The following MPP7 variants were observed in gnomAD, a reference collection of about 807,000 sequenced individuals.
MPP7 encodes the protein MAGUK p55 subfamily member 7.
In MPP7, 60 loss-of-function variants were observed where a neutral mutation model predicts 76.5. The observed-to-expected ratio is 0.78, with a 90% CI of 0.64 to 0.97. The LOEUF is 0.97. MPP7 is among the 50% of genes least tolerant of loss of function. MPP7 has a pLI of 0.00. For synonymous variants in MPP7, 237 were observed against 244.5 expected (o/e 0.97, Z 0.29); for missense variants, 641 against 694.0 (o/e 0.92, Z 0.86).
chr10:28,106,062 T>C (rs1174894749), intron 11 of MPP7, among the ~76,000 whole-genome samples: 1 of 152,216 alleles, frequency 6.6e-6, no homozygotes, highest in Non-Finnish European at 1.5e-5. Flanking sequence ...TGATGTAGAA[T>C]GGTCTCTTGG....
intron 1 of MPP7, among the ~76,000 whole-genome samples, chr10:28,247,139 T>A (rs1839462913): frequency 6.6e-6 from 1 of 152,206 alleles, no homozygotes; most frequent in African/African-American, 2.4e-5. Context: ...TCCTAAGTAC[T>A]AATTAATATT....
rs538916693 is a variant in MPP7, at chr10:28,253,798, C to T, written c.-131-15063G>A. On this transcript the variant is annotated intron_variant, in intron 1 of 16. Transcript: ENST00000683449. ...ATCACTTGAGCTCAGGAGTTCAAGA[C>T]CAGCCTGGTCAACATGGCAAAACCT... Among the ~76,000 whole-genome samples the T allele has an allele frequency of 1.4e-4, 21 of 151,926 alleles. No homozygotes were observed. In the South Asian group the frequency reaches 4.4e-3, roughly 32 times the overall value.
intron 2 of MPP7, among the ~76,000 whole-genome samples, chr10:28,315,959 A>G (rs1330282583): frequency 2.6e-5 from 4 of 152,186 alleles, no homozygotes; most frequent in South Asian, 4.1e-4. Flanking sequence ...ACAAATGCCA[A>G]TCAAGGGGCA....
intron 2 of MPP7, among the ~76,000 whole-genome samples, chr10:28,211,476 G>GAT (rs1404975094): frequency 1.3e-4 from 19 of 151,504 alleles, no homozygotes; most frequent in African/African-American, 4.6e-4. Context: ...GAGAGAGAGA[G>GAT]AATTACTGTA....
At chr10:28,311,948 T>TA (rs1031332351) in intron 2 of MPP7, among the ~76,000 whole-genome samples, 25 of 152,076 alleles carry the variant, frequency 1.6e-4, no homozygotes, top group Admixed American at 1.1e-3. Context: ...TTAGCTTTTT[T>TA]AAAAAAAAGA....
intron 11 of MPP7, among the ~76,000 whole-genome samples, chr10:28,106,869 C>G (rs992637213): frequency 3.9e-5 from 6 of 152,172 alleles, no homozygotes; most frequent in Non-Finnish European, 7.3e-5. Context: ...TCTTTATGTG[C>G]TCTAAAGAAA....
rs1040086483 is a variant in MPP7 at position 28,114,828 on chromosome 10, G to T, written c.952+4823C>A. 2.6e-5 allele frequency among the ~76,000 whole-genome samples: 4 copies of T among 152,210 alleles called. No homozygotes were observed. The East Asian group carries it at 7.7e-4, about 29-fold the overall frequency. On this transcript the variant is annotated intron_variant, in intron 11 of 16. Coordinates refer to ENST00000683449, the MANE Select transcript of MPP7 (RefSeq NM_001318170.2). ...GGGCTGAGAACGCTTCCAATGGAAA[G>T]ACTAGAAGCATCTACTCTGATAGTG...
chr10:28,237,288 C>T (rs532849030), intron 2 of MPP7, among the ~76,000 whole-genome samples: 204 of 152,162 alleles, frequency 1.3e-3, no homozygotes, highest in African/African-American at 4.7e-3. Flanking sequence ...AAAGTTAAAT[C>T]ATTCATTTTT....
intron 12 of MPP7, among the ~76,000 whole-genome samples, chr10:28,070,570 C>T (rs1031731021): frequency 6.6e-6 from 1 of 152,182 alleles, no homozygotes; most frequent in African/African-American, 2.4e-5. Context: ...GATGCAAATT[C>T]AGTTACGCAT....
chr10:28,268,224 AC>A (rs1333131472), intron 1 of MPP7, among the ~76,000 whole-genome samples: 2 of 152,170 alleles, frequency 1.3e-5, no homozygotes, highest in Admixed American at 6.5e-5. Flanking sequence ...CATGTGAGAG[AC>A]AAGGGCATCC....
At position 28,238,748 on chromosome 10, in the gene MPP7, G is replaced by A. The variant is rs543704300; in HGVS notation, c.-131-13C>T. 2 of 731,256 alleles carry A rather than the reference G, an allele frequency of 2.7e-6. No homozygotes were observed. The highest frequency in any genetic ancestry group is 1.8e-5 in the South Asian group (1 of 56,234). The allele number at this position is 731,256 out of a possible 1,614,324, so 45.3% of individuals were successfully genotyped here. ...TTGTAAGCCGTTTCTAGAAAGGAAA[G>A]AAACATTTATATTTTTTAAAAAGGG... On this transcript the variant is annotated splice_polypyrimidine_tract_variant and intron_variant, in intron 1 of 16. Transcript: ENST00000683449.
chr10:28,199,737 G>T (rs1471501754), intron 3 of MPP7, among the ~76,000 whole-genome samples: 1 of 151,884 alleles, frequency 6.6e-6, no homozygotes, highest in Non-Finnish European at 1.5e-5. Context: ...CTCTTGAGTG[G>T]CTAGGACTGC....
chr10:28,060,439 C>T (rs756455078), intron 13 of MPP7, among the ~76,000 whole-genome samples: 2 of 152,200 alleles, frequency 1.3e-5, no homozygotes, highest in Non-Finnish European at 2.9e-5. Context: ...CACTACAGGC[C>T]ATCCTTCCTG....
At chr10:28,184,353 TAATA>T (rs1837158018) in intron 3 of MPP7, among the ~76,000 whole-genome samples, 1 of 148,290 alleles carries the variant, frequency 6.7e-6, no homozygotes, top group Non-Finnish European at 1.5e-5. Context: ...ATCTTTATCT[TAATA>T]TATTATTATG....
At chr10:28,236,708 G>C (rs1174911613) in intron 2 of MPP7, 1 of 152,092 alleles carries the variant, frequency 6.6e-6, no homozygotes, top group Non-Finnish European at 1.5e-5. Flanking sequence ...TCCCAAATGA[G>C]CAATCCATGC....
Position 28,059,630 on chromosome 10 carries a change from T to G in MPP7, c.1298+20A>C, listed in dbSNP as rs766042326. The G allele has an allele frequency of 3.2e-6, 5 of 1,575,794 alleles. No homozygotes were observed. The South Asian group carries it at 3.3e-5, about 11-fold the overall frequency. On this transcript the variant is annotated intron_variant, in intron 14 of 16. Coordinates refer to ENST00000683449, the MANE Select transcript of MPP7 (RefSeq NM_001318170.2). ...TTATAAAAAACAGTCACATGAAAAT[T>G]CTCAAAAATGTCCACATACTTGTTA... is the stretch of plus-strand genomic sequence containing the variant.
chr10:28,063,652 G>A (rs1175514373), intron 13 of MPP7, among the ~76,000 whole-genome samples: 1 of 152,028 alleles, frequency 6.6e-6, no homozygotes, highest in Non-Finnish European at 1.5e-5. Context: ...GGCATTAGGT[G>A]CACAAACCGA....
chr10:28,324,369 C>G (rs886442415), intron 2 of MPP7, among the ~76,000 whole-genome samples: 6 of 152,168 alleles, frequency 3.9e-5, no homozygotes, highest in African/African-American at 1.2e-4. Flanking sequence ...GGAAGCTACC[C>G]AGGCTATGAT....
chr10:28,238,049 ATGTT>A (rs922221100), intron 2 of MPP7, among the ~76,000 whole-genome samples: 11 of 152,090 alleles, frequency 7.2e-5, no homozygotes, highest in African/African-American at 2.4e-4. Context: ...AACATAAAAT[ATGTT>A]TGTTTGTTAG....
Sources: gnomAD v4.1 joint callset for allele counts (sites outside exome capture counted in the v4.1 genomes callset) on GRCh38, gnomAD v4.1.1 for gene constraint, MANE v1.5 for transcripts, NCBI Gene and HGNC (gene_info 2026-07-23, HGNC 2026-07-21) for gene names.